NUFIP2: variants seen among roughly 807,000 people sequenced by gnomAD.
The protein encoded by NUFIP2 is FMR1-interacting protein NUFIP2.
Under a neutral mutation model 56.9 loss-of-function variants are expected in NUFIP2, and 6 were observed. That is an observed-to-expected ratio of 0.11 (90% CI 0.06 to 0.21). NUFIP2 has a LOEUF of 0.21. Ranked by LOEUF, NUFIP2 falls within the 10% of genes least tolerant of loss-of-function variation. The probability of loss-of-function intolerance (pLI) is 1.00; values close to 1 mark genes in which losing one functional copy is unlikely to be tolerated. For missense variants in NUFIP2, 828 were observed against 826.8 expected (o/e 1.00, Z -0.02); for synonymous variants, 321 against 298.2 (o/e 1.08, Z -0.79).
At position 29,290,655 on chromosome 17, in the gene NUFIP2, AAAAAAAAAAAAAG is replaced by A. The variant is rs1353181500; in HGVS notation, c.278-2952_278-2940del. On this transcript the variant is annotated intron_variant, in intron 1 of 3. Coordinates refer to ENST00000225388, the MANE Select transcript of NUFIP2 (RefSeq NM_020772.3). ...GGCCACAGAGTAAGGCTGTGTCTCA[AAAAAAAAAAAAAG>A]AAAGAAAGAAAGAAAGAAAGAAAAG... Among the ~76,000 whole-genome samples, 100 of 135,420 alleles carry A rather than the reference AAAAAAAAAAAAAG, an allele frequency of 7.4e-4. 1 individual carries two copies. Among genetic ancestry groups the A allele is most frequent in the Non-Finnish European group, 1.1e-4 (7 of 63,972 alleles). The allele number at this position is 135,420 out of a possible 152,430, so 88.8% of individuals were successfully genotyped here.
At chr17:29,277,518 G>A (rs1215210576) in intron 2 of NUFIP2, among the ~76,000 whole-genome samples, 1 of 152,106 alleles carries the variant, frequency 6.6e-6, no homozygotes, top group East Asian at 1.9e-4. Flanking sequence ...TGGTGACATG[G>A]TAAATTAAAA....
rs1462124362 is a variant in NUFIP2, at chr17:29,258,942, G to C, written c.*5597C>G. Reference sequence around the variant, plus strand: ...ATGAAATGTATTCAAGATCATGAAAGGATCCTCCTCTATGAAGGATAAATG... The same window carrying C: ...ATGAAATGTATTCAAGATCATGAAACGATCCTCCTCTATGAAGGATAAATG... On this transcript the variant is annotated 3_prime_UTR_variant, in exon 4 of 4. Coordinates refer to ENST00000225388, the MANE Select transcript of NUFIP2 (RefSeq NM_020772.3). 1 of 152,134 alleles carries C rather than the reference G, an allele frequency of 6.6e-6. No individual in the cohort carries two copies. Among genetic ancestry groups the C allele is most frequent in the African/African-American group, 2.4e-5 (1 of 41,424 alleles). The allele number at this position is 152,134 out of a possible 1,614,324, so 9.4% of individuals were successfully genotyped here.
chr17:29,278,671 CATT>C (rs1448994519), intron 2 of NUFIP2, among the ~76,000 whole-genome samples: 1 of 152,028 alleles, frequency 6.6e-6, no homozygotes, highest in African/African-American at 2.4e-5. Flanking sequence ...TTGCTACTAT[CATT>C]ATAGTAACAG....
chr17:29,271,624 T>G (rs1567676972), intron 2 of NUFIP2, among the ~76,000 whole-genome samples: 1 of 152,140 alleles, frequency 6.6e-6, no homozygotes, highest in Admixed American at 6.5e-5. Context: ...TTCCTGTTAC[T>G]TAATATTAAT....
In NUFIP2 at chr17:29,262,255, G is replaced by A. The variant is rs1198539623; in HGVS notation, c.*2284C>T. 6.6e-6 allele frequency: 1 copy of A among 152,518 alleles called. No homozygotes were observed. Among genetic ancestry groups the A allele is most frequent in the African/African-American group, 2.4e-5 (1 of 41,418 alleles). The allele number at this position is 152,518 out of a possible 1,614,324, so 9.4% of individuals were successfully genotyped here. A position where few individuals can be genotyped will look rare whatever the true frequency, so the allele number is the denominator to read the frequency against. On this transcript the variant is annotated 3_prime_UTR_variant, in exon 4 of 4. Transcript: ENST00000225388. ...ACATTTAAAAAAGGGGACTAGAGAGGGGAATCTGGCCCTAAGGCGACAAGT... is the reference window on the plus strand; with the variant it reads ...ACATTTAAAAAAGGGGACTAGAGAGAGGAATCTGGCCCTAAGGCGACAAGT...
chr17:29,276,976 A>C (rs944408692), intron 2 of NUFIP2, among the ~76,000 whole-genome samples: 1 of 152,210 alleles, frequency 6.6e-6, no homozygotes, highest in Non-Finnish European at 1.5e-5. Flanking sequence ...AGCTAACTAG[A>C]AGCTTATTTT....
chr17:29,279,839 A>C (rs1442656572), intron 2 of NUFIP2, among the ~76,000 whole-genome samples: 1 of 152,056 alleles, frequency 6.6e-6, no homozygotes, highest in Non-Finnish European at 1.5e-5. Context: ...TTTTGAGGTG[A>C]AGTCTTGCTG....
At chr17:29,288,569 G>A (rs908265732) in intron 1 of NUFIP2, among the ~76,000 whole-genome samples, 5 of 152,298 alleles carry the variant, frequency 3.3e-5, no homozygotes, top group African/African-American at 1.2e-4. Flanking sequence ...CCCAGATATT[G>A]GATATTGTTA....
chr17:29,294,137 C>G lies in NUFIP2; in HGVS notation c.-78G>C. On this transcript the variant is annotated 5_prime_UTR_variant, in exon 1 of 4. Coordinates refer to ENST00000225388, the MANE Select transcript of NUFIP2 (RefSeq NM_020772.3). Reference sequence around the variant, plus strand: ...ATCTGAGACTGCTTCTCAGGGCTCACTCAGTATATCTGAGCGCGTCTCGCC... The same window carrying G: ...ATCTGAGACTGCTTCTCAGGGCTCAGTCAGTATATCTGAGCGCGTCTCGCC... 3.3e-6 allele frequency: 5 copies of G among 1,504,184 alleles called. No homozygotes were observed. Among genetic ancestry groups the G allele is most frequent in the Non-Finnish European group, 4.4e-6 (5 of 1,126,372 alleles). The allele number at this position is 1,504,184 out of a possible 1,614,324, so 93.2% of individuals were successfully genotyped here.
At chr17:29,272,284 A>C (rs1392626860) in intron 2 of NUFIP2, among the ~76,000 whole-genome samples, 2 of 142,656 alleles carry the variant, frequency 1.4e-5, no homozygotes, top group African/African-American at 5.2e-5. Flanking sequence ...TCTGTCACCC[A>C]GGCTGGAGTG....
intron 1 of NUFIP2, among the ~76,000 whole-genome samples, chr17:29,290,434 C>T (rs989231267): frequency 7.9e-5 from 12 of 151,446 alleles, no homozygotes; most frequent in African/African-American, 2.7e-4. Flanking sequence ...GCAGGTGGAT[C>T]ACTTGAGGTC....
chr17:29,273,031 T>TAC (rs1350837599), intron 2 of NUFIP2, among the ~76,000 whole-genome samples: 2 of 94,848 alleles, frequency 2.1e-5, no homozygotes, highest in Non-Finnish European at 4.2e-5. Flanking sequence ...TATATATATA[T>TAC]ATACACACAC....
At chr17:29,270,324 G>GAAAAAA (rs386385865) in intron 2 of NUFIP2, among the ~76,000 whole-genome samples, 3 of 81,372 alleles carry the variant, frequency 3.7e-5, no homozygotes, top group African/African-American at 4.1e-5. Flanking sequence ...CTAACCTGGA[G>GAAAAAA]AAAAAAAAAA....
intron 2 of NUFIP2, among the ~76,000 whole-genome samples, chr17:29,273,708 T>C (rs1032776802): frequency 6.6e-6 from 1 of 152,306 alleles, no homozygotes; most frequent in African/African-American, 2.4e-5. Flanking sequence ...AGTAAAAGTT[T>C]TTGCTCTTAA....
intron 2 of NUFIP2, among the ~76,000 whole-genome samples, chr17:29,271,600 G>C (rs2069073040): frequency 6.6e-6 from 1 of 151,682 alleles, no homozygotes. Flanking sequence ...ACTAAGAAGT[G>C]AATGCAATTT....
At chr17:29,271,941 C>T (rs144234171) in intron 2 of NUFIP2, among the ~76,000 whole-genome samples, 57 of 151,426 alleles carry the variant, frequency 3.8e-4, no homozygotes, top group Non-Finnish European at 6.9e-4. Context: ...AGTGTGGGGG[C>T]GGGCACCGGT....
chr17:29,273,695 C>G (rs1339730043), intron 2 of NUFIP2, among the ~76,000 whole-genome samples: 1 of 152,076 alleles, frequency 6.6e-6, no homozygotes, highest in East Asian at 1.9e-4. Context: ...CTAATAGAAC[C>G]TAAGTAAAAG....
intron 2 of NUFIP2, among the ~76,000 whole-genome samples, chr17:29,273,109 G>A (rs2069086220): frequency 6.7e-6 from 1 of 149,308 alleles, no homozygotes; most frequent in African/African-American, 2.5e-5. Flanking sequence ...GTGAGATCTC[G>A]GCTCACTGCA....
rs2069018544 is a variant in NUFIP2, at chr17:29,263,921, C to T, written c.*618G>A. 6.5e-6 allele frequency: 1 copy of T among 152,674 alleles called. No individual in the cohort carries two copies. The highest frequency in any genetic ancestry group is 1.5e-5 in the Non-Finnish European group (1 of 68,032). 9.5% of individuals were successfully genotyped at this position (152,674 alleles called of 1,614,324 possible). ...GAAATAAAGTATTTCCCCAACACCCCAGAGGCCGCTTAACTCCTGGCAAGA... is the reference window on the plus strand; with the variant it reads ...GAAATAAAGTATTTCCCCAACACCCTAGAGGCCGCTTAACTCCTGGCAAGA... On this transcript the variant is annotated 3_prime_UTR_variant, in exon 4 of 4. Coordinates refer to ENST00000225388, the MANE Select transcript of NUFIP2 (RefSeq NM_020772.3).
Sources: gnomAD v4.1 joint callset for allele counts (sites outside exome capture counted in the v4.1 genomes callset) on GRCh38, gnomAD v4.1.1 for gene constraint, MANE v1.5 for transcripts, NCBI Gene and HGNC (gene_info 2026-07-23, HGNC 2026-07-21) for gene names.